ATXN8OS: variants seen among roughly 807,000 people sequenced by gnomAD.
The protein encoded by ATXN8OS is ATXN8 opposite strand lncRNA.
intron 3 of ATXN8OS, among the ~76,000 whole-genome samples, chr13:70,139,623 C>G (rs1412250772): frequency 6.6e-6 from 1 of 152,048 alleles, no homozygotes; most frequent in Non-Finnish European, 1.5e-5. Context: ...TCCTCACAAG[C>G]CTTTCTCAAA....
chr13:70,168,593 A>AT (rs377197453), intron 4 of ATXN8OS, among the ~76,000 whole-genome samples: 79,148 of 138,452 alleles, frequency 0.57, 25,433 homozygotes, highest in Non-Finnish European at 0.74. Context: ...CTGTGACATC[A>AT]TTTTTTTTTT....
chr13:70,136,915 C>T (rs755965794), intron 3 of ATXN8OS, among the ~76,000 whole-genome samples: 1 of 152,086 alleles, frequency 6.6e-6, no homozygotes, highest in Non-Finnish European at 1.5e-5. Flanking sequence ...TTAATAGAAG[C>T]GTGTTCCACA....
intron 4 of ATXN8OS, among the ~76,000 whole-genome samples, chr13:70,155,381 G>T (rs1888924228): frequency 6.6e-6 from 1 of 151,932 alleles, no homozygotes; most frequent in African/African-American, 2.4e-5. Context: ...TCTCAATTTG[G>T]TCCATAAGAA....
chr13:70,130,255 A>G (rs1328791405), intron 3 of ATXN8OS, among the ~76,000 whole-genome samples: 1 of 152,166 alleles, frequency 6.6e-6, no homozygotes, highest in Non-Finnish European at 1.5e-5. Flanking sequence ...CCAGCTTTGA[A>G]TCATTAAATC....
chr13:70,157,331 A>G (rs1215697149), intron 4 of ATXN8OS, among the ~76,000 whole-genome samples: 1 of 152,152 alleles, frequency 6.6e-6, no homozygotes, highest in Admixed American at 6.5e-5. Context: ...AATAAAGAAC[A>G]TAATTTTTTT....
At chr13:70,150,927 G>T (rs1168932297) in intron 4 of ATXN8OS, among the ~76,000 whole-genome samples, 4 of 152,194 alleles carry the variant, frequency 2.6e-5, no homozygotes, top group South Asian at 2.1e-4. Context: ...CTCAAAGAAG[G>T]TTCGTGGCAA....
intron 2 of ATXN8OS, among the ~76,000 whole-genome samples, chr13:70,120,815 A>G (rs7992911): frequency 0.72 from 108,547 of 150,472 alleles, 39,359 homozygotes; most frequent in South Asian, 0.85. Flanking sequence ...GCAAACTATC[A>G]CAAGGACAAA....
rs113043537 is a variant in ATXN8OS, at chr13:70,154,497, C to T, written n.573+7069C>T. Among the ~76,000 whole-genome samples, 388 of 152,162 alleles carry T rather than the reference C, an allele frequency of 2.5e-3. 3 individuals are homozygous for T. Among genetic ancestry groups the T allele is most frequent in the African/African-American group, 8.5e-3 (352 of 41,520 alleles). ...TGGAATAATAAAGTGCTGAATGGTTCTTATATGACTGAAGACATATCTTTT... is the reference window on the plus strand; with the variant it reads ...TGGAATAATAAAGTGCTGAATGGTTTTTATATGACTGAAGACATATCTTTT... On this transcript the variant is annotated intron_variant and non_coding_transcript_variant, in intron 4 of 4. Coordinates refer to ENST00000678624, the Ensembl canonical transcript of ATXN8OS.
At chr13:70,141,618 A>G (rs2137492776) in intron 3 of ATXN8OS, among the ~76,000 whole-genome samples, 1 of 152,140 alleles carries the variant, frequency 6.6e-6, no homozygotes, top group African/African-American at 2.4e-5. Context: ...GTGTGTGTGT[A>G]CGTATATATA....
chr13:70,151,318 G>A (rs926579542), intron 4 of ATXN8OS, among the ~76,000 whole-genome samples: 7 of 151,790 alleles, frequency 4.6e-5, no homozygotes, highest in South Asian at 2.1e-4. Flanking sequence ...CCCTTCCCCC[G>A]GCAACTGACA....
intron 4 of ATXN8OS, among the ~76,000 whole-genome samples, chr13:70,164,485 A>C (rs547230460): frequency 6.6e-6 from 1 of 152,104 alleles, no homozygotes; most frequent in African/African-American, 2.4e-5. Flanking sequence ...TTAAAAAATT[A>C]GGATATTTCA....
intron 3 of ATXN8OS, among the ~76,000 whole-genome samples, chr13:70,133,031 T>C (rs1431331404): frequency 1.3e-5 from 2 of 152,148 alleles, no homozygotes; most frequent in Non-Finnish European, 2.9e-5. Context: ...TAAACTATCA[T>C]TGCATTGATC....
chr13:70,115,477 ATGT>A (rs1349016447), intron 2 of ATXN8OS, among the ~76,000 whole-genome samples: 2 of 152,272 alleles, frequency 1.3e-5, no homozygotes, highest in Middle Eastern at 3.4e-3. Flanking sequence ...GTCTATATGT[ATGT>A]TTGTGTATTT....
At chr13:70,122,618 T>C (rs1295167947) in intron 2 of ATXN8OS, among the ~76,000 whole-genome samples, 1 of 151,972 alleles carries the variant, frequency 6.6e-6, no homozygotes, top group Non-Finnish European at 1.5e-5. Context: ...CTAATGTTTA[T>C]AAAAGAAACA....
intron 2 of ATXN8OS, among the ~76,000 whole-genome samples, chr13:70,115,544 T>TG (rs540551002): frequency 2.0e-4 from 30 of 152,106 alleles, no homozygotes; most frequent in East Asian, 3.9e-4. Context: ...ATGGTTTTTT[T>TG]GGGGGGGCAA....
At chr13:70,127,912 C>T (rs1012428404) in intron 2 of ATXN8OS, among the ~76,000 whole-genome samples, 26 of 152,086 alleles carry the variant, frequency 1.7e-4, no homozygotes, top group Middle Eastern at 3.4e-3. Flanking sequence ...TAAGAGAATG[C>T]GTGATAAATG....
intron 4 of ATXN8OS, among the ~76,000 whole-genome samples, chr13:70,153,849 T>A (rs1198731554): frequency 6.6e-6 from 1 of 151,946 alleles, no homozygotes; most frequent in Non-Finnish European, 1.5e-5. Flanking sequence ...CTGTCCAATT[T>A]TTTTTCTTTC....
At chr13:70,141,698 G>T (rs1888718050) in intron 3 of ATXN8OS, among the ~76,000 whole-genome samples, 1 of 151,800 alleles carries the variant, frequency 6.6e-6, no homozygotes, top group African/African-American at 2.4e-5. Flanking sequence ...CTCCAAAAAA[G>T]CCAGGAAACT....
At chr13:70,166,710 A>G (rs1421760306) in intron 4 of ATXN8OS, among the ~76,000 whole-genome samples, 2 of 152,122 alleles carry the variant, frequency 1.3e-5, no homozygotes, top group African/African-American at 2.4e-5. Flanking sequence ...AACAAAAGAA[A>G]CTACCATCAG....
Sources: allele counts gnomAD v4.1 joint callset (sites outside exome capture counted in the v4.1 genomes callset), GRCh38; gene constraint gnomAD v4.1.1; transcripts MANE v1.5; gene names NCBI Gene and HGNC (gene_info 2026-07-23, HGNC 2026-07-21).